Variants in AATF observed in about 807,000 individuals in gnomAD.
The protein encoded by AATF is apoptosis antagonizing transcription factor.
Under a neutral mutation model 63.7 loss-of-function variants are expected in AATF, and 48 were observed. The observed-to-expected ratio is 0.75, with a 90% CI of 0.60 to 0.96. AATF has a LOEUF of 0.96. AATF is among the 40% of genes least tolerant of loss of function. The pLI is 0.00. For missense variants in AATF, 639 were observed against 685.7 expected, an observed-to-expected ratio of 0.93 and a Z score of 0.76; for synonymous variants, 258 against 247.7, an observed-to-expected ratio of 1.04 and a Z score of -0.39.
At chr17:36,985,053 C>T (rs1054908110) in intron 4 of AATF, among the ~76,000 whole-genome samples, 28 of 152,006 alleles carry the variant, frequency 1.8e-4, no homozygotes, top group Non-Finnish European at 4.0e-4. Context: ...AGGTGCACAC[C>T]ACCGTGCGCG....
intron 4 of AATF, among the ~76,000 whole-genome samples, chr17:36,973,638 A>G (rs778501200): frequency 1.2e-4 from 19 of 152,220 alleles, no homozygotes; most frequent in Non-Finnish European, 2.8e-4. Context: ...ATTCACTAAG[A>G]GTTAGACTTT....
intron 11 of AATF, among the ~76,000 whole-genome samples, chr17:37,032,824 A>G (rs2071562022): frequency 6.6e-6 from 1 of 152,184 alleles, no homozygotes; most frequent in South Asian, 2.1e-4. Context: ...TAATATTGTT[A>G]TAATATTTAT....
Position 36,950,412 on chromosome 17 carries a change from A to G in AATF, c.283+7A>G. ...ACTCTGCCAGGATCGTCTGGTGAGT[A>G]GACATTTTTGAATGGAACTCTTCTC... is the stretch of plus-strand genomic sequence containing the variant. On this transcript the variant is annotated splice_region_variant and intron_variant, in intron 2 of 11. Coordinates refer to ENST00000619387, the MANE Select transcript of AATF (RefSeq NM_012138.4). 6.2e-7 allele frequency: 1 copy of G among 1,612,088 alleles called. No individual in the cohort carries two copies. The highest frequency in any genetic ancestry group is 8.5e-7 in the Non-Finnish European group (1 of 1,178,324).
At position 36,984,995 on chromosome 17, in the gene AATF, A is replaced by G. The variant is rs535794802; in HGVS notation, c.833-1622A>G. On this transcript the variant is annotated intron_variant, in intron 4 of 11. Coordinates refer to ENST00000619387, the MANE Select transcript of AATF (RefSeq NM_012138.4). ...CAGCTCACTGCAACCTCTGCCTCCC[A>G]GGTTCAAGCAATTCTCCTGCCTCAG... 2.0e-5 allele frequency among the ~76,000 whole-genome samples: 3 copies of G among 148,008 alleles called. No individual in the cohort carries two copies. The Admixed American group carries it at 2.1e-4, about 10-fold the overall frequency.
At chr17:37,015,585 C>T (rs1356593836) in intron 8 of AATF, among the ~76,000 whole-genome samples, 1 of 152,186 alleles carries the variant, frequency 6.6e-6, no homozygotes, top group African/African-American at 2.4e-5. Context: ...ACTCAGTCAC[C>T]TCCCAAAGGC....
chr17:37,012,060 A>G (rs2071395547), intron 8 of AATF, among the ~76,000 whole-genome samples: 2 of 145,306 alleles, frequency 1.4e-5, no homozygotes, highest in Admixed American at 1.4e-4. Context: ...TTTGGGGATA[A>G]TTTTTTTTTT....
intron 4 of AATF, among the ~76,000 whole-genome samples, chr17:36,986,063 T>A (rs1304019136): frequency 6.6e-6 from 1 of 152,168 alleles, no homozygotes; most frequent in Non-Finnish European, 1.5e-5. Flanking sequence ...TAAGGATATG[T>A]GTTGAGAGAT....
chr17:36,988,579 G>A lies in AATF; in HGVS notation c.1008G>A (p.Arg336=). ...AAGAGAAGAAGCAGCAACGAAGAAG[G>A]GTCCCTGCAAAGAGGAAGCTGGAGA... is the stretch of plus-strand genomic sequence containing the variant. ...LVEEKKQQRR[R]VPAKRKLEME... The change falls in exon 6 of 12, where the codon AGG becomes AGA. Residue 336 remains arginine, a synonymous_variant. Coordinates refer to ENST00000619387, the MANE Select transcript of AATF (RefSeq NM_012138.4). 3 of 1,614,110 alleles carry A rather than the reference G, an allele frequency of 1.9e-6. No homozygotes were observed. Among genetic ancestry groups the A allele is most frequent in the Admixed American group, 1.7e-5 (1 of 60,010 alleles).
At chr17:36,984,902 T>C (rs1296754607) in intron 4 of AATF, among the ~76,000 whole-genome samples, 1 of 100,680 alleles carries the variant, frequency 9.9e-6, no homozygotes, top group African/African-American at 3.4e-5. Context: ...CCTCCCACAG[T>C]TTTTTTTTTT....
At chr17:37,008,489 G>A (rs1321191696) in intron 8 of AATF, among the ~76,000 whole-genome samples, 1 of 152,184 alleles carries the variant, frequency 6.6e-6, no homozygotes, top group Non-Finnish European at 1.5e-5. Context: ...AGAAGCATTA[G>A]CTCTTAGAGA....
chr17:37,054,592 C>A (rs570293212), intron 11 of AATF: 19 of 152,278 alleles, frequency 1.2e-4, no homozygotes, highest in African/African-American at 4.3e-4. Context: ...TCTATGAAAA[C>A]ATGGGTTTCA....
chr17:37,018,969 T>C (rs1183109293), intron 8 of AATF, 36 bp from the exon 9 acceptor site: 5 of 1,571,806 alleles, frequency 3.2e-6, no homozygotes, highest in South Asian at 1.1e-5. Context: ...TACTGGAAGA[T>C]GATAAATAAA....
At chr17:36,952,765 T>C (rs1200153909) in intron 2 of AATF, 121 bp from the exon 3 acceptor site, 10 of 1,459,172 alleles carry the variant, frequency 6.9e-6, no homozygotes, top group African/African-American at 1.4e-5. Flanking sequence ...TATTGTTGAA[T>C]TGAGTGCAGT....
Position 36,949,068 on chromosome 17 carries a change from C to T in AATF, c.-58C>T, listed in dbSNP as rs1199666895. ...TCCGGCAGGGAAGGAGCTTCGGGGC[C>T]GGGGGTTGGGCCGCACATTTACGTG... On this transcript the variant is annotated 5_prime_UTR_variant, in exon 1 of 12. Coordinates refer to ENST00000619387, the MANE Select transcript of AATF (RefSeq NM_012138.4). 19 of 1,431,822 alleles carry T rather than the reference C, an allele frequency of 1.3e-5. No homozygotes were observed. Among genetic ancestry groups the T allele is most frequent in the South Asian group, 3.7e-5 (3 of 80,174 alleles). 88.7% of individuals were successfully genotyped at this position (1,431,822 alleles called of 1,614,324 possible).
intron 8 of AATF, among the ~76,000 whole-genome samples, chr17:37,002,056 G>T (rs2142264582): frequency 6.6e-6 from 1 of 152,028 alleles, no homozygotes; most frequent in Admixed American, 6.6e-5. Context: ...ACAAAAATTA[G>T]CCAGGCGTGG....
At chr17:37,051,693 GACAGACACACACACACACAC>G (rs1299199210) in intron 11 of AATF, among the ~76,000 whole-genome samples, 1 of 140,942 alleles carries the variant, frequency 7.1e-6, no homozygotes, top group Non-Finnish European at 1.5e-5. Context: ...CAGACAGACA[GACAGACACACACACACACAC>G]ACACACACAC....
rs1297438605 is a variant in AATF at position 36,955,777 on chromosome 17, T to A, written c.832+1870T>A. Among the ~76,000 whole-genome samples the A allele has an allele frequency of 2.0e-5, 3 of 152,196 alleles. No individual in the cohort carries two copies. In the East Asian group the frequency reaches 5.8e-4, roughly 29 times the overall value. ...TTGGATACGATTTAATTTCTTTTTG[T>A]TATGAGACAGGGTCTTGCTCTGTTG... On this transcript the variant is annotated intron_variant, in intron 4 of 11. Coordinates refer to ENST00000619387, the MANE Select transcript of AATF (RefSeq NM_012138.4).
At position 37,040,613 on chromosome 17, in the gene AATF, G is replaced by C. The variant is rs555253586; in HGVS notation, c.1619+8928G>C. Among the ~76,000 whole-genome samples, 6 of 152,266 alleles carry C rather than the reference G, an allele frequency of 3.9e-5. No homozygotes were observed. In the South Asian group the frequency reaches 1.0e-3, roughly 26 times the overall value. On this transcript the variant is annotated intron_variant, in intron 11 of 11. Transcript: ENST00000619387. ...TAAGAGTGTGGTCCCAACCCCCACT[G>C]CTGTTGCCAAGAAATTCACAAACTT...
chr17:36,998,069 G>A lies in AATF; in HGVS notation c.1398+7212G>A, dbSNP rs148773980. On this transcript the variant is annotated intron_variant, in intron 8 of 11. Coordinates refer to ENST00000619387, the MANE Select transcript of AATF (RefSeq NM_012138.4). ...ATGATACAATGGACTTTGGGGACTCGTGGGGGAAGAGTGGAAGAGGGGCAA... is the reference window on the plus strand; with the variant it reads ...ATGATACAATGGACTTTGGGGACTCATGGGGGAAGAGTGGAAGAGGGGCAA... Among the ~76,000 whole-genome samples the A allele has an allele frequency of 4.6e-3, 693 of 152,256 alleles. 9 individuals carry two copies. Among genetic ancestry groups the A allele is most frequent in the Admixed American group, 0.034 (522 of 15,290 alleles).
Sources: gnomAD v4.1 joint callset for allele counts (sites outside exome capture counted in the v4.1 genomes callset) on GRCh38, gnomAD v4.1.1 for gene constraint, MANE v1.5 for transcripts, NCBI Gene and HGNC (gene_info 2026-07-23, HGNC 2026-07-21) for gene names.